Variants in HYDIN observed in about 807,000 individuals in gnomAD.
HYDIN encodes HYDIN axonemal central pair apparatus protein, also known as axonemal central pair apparatus protein HYDIN.
Under a neutral mutation model 403.9 loss-of-function variants are expected in HYDIN, and 132 were observed. That is an observed-to-expected ratio of 0.33 (90% CI 0.28 to 0.38). The LOEUF is 0.38. Among genes scored for constraint, HYDIN ranks in the 10% least tolerant of loss-of-function variants. The probability of loss-of-function intolerance (pLI) is 1.00; values close to 1 mark genes in which losing one functional copy is unlikely to be tolerated. For missense variants in HYDIN, 2,827 were observed against 5,009.5 expected (o/e 0.56, Z 13.15); for synonymous variants, 1,202 against 1,891.7 (o/e 0.64, Z 9.46).
chr16:71,004,317 A>T (rs1174835842), intron 23 of HYDIN, among the ~76,000 whole-genome samples: 2 of 146,470 alleles, frequency 1.4e-5, no homozygotes, highest in African/African-American at 5.1e-5. Context: ...TCCATTTCAA[A>T]AAAAAAAAAA....
chr16:70,919,023 AG>A (rs1392540238), intron 46 of HYDIN, among the ~76,000 whole-genome samples: 1 of 141,006 alleles, frequency 7.1e-6, no homozygotes, highest in African/African-American at 2.7e-5. Context: ...AGCCCACCTG[AG>A]GGCCCAGCCT....
At chr16:71,006,607 G>A (rs1205879060) in intron 23 of HYDIN, among the ~76,000 whole-genome samples, 1 of 151,904 alleles carries the variant, frequency 6.6e-6, no homozygotes, top group Non-Finnish European at 1.5e-5. Flanking sequence ...TCCCCTGTAG[G>A]GCACAGTCTC....
intron 7 of HYDIN, among the ~76,000 whole-genome samples, chr16:71,139,180 C>T (rs7206444): frequency 6.6e-6 from 1 of 151,234 alleles, no homozygotes; most frequent in African/African-American, 2.4e-5. Context: ...GAGTTGAATA[C>T]CATGCTGGAA....
chr16:70,878,909 T>C (rs1567752329), intron 62 of HYDIN, among the ~76,000 whole-genome samples: 1 of 142,810 alleles, frequency 7.0e-6, no homozygotes, highest in Non-Finnish European at 1.5e-5. Flanking sequence ...TGAATCAAAA[T>C]ACATTTGAAT....
chr16:71,105,293 G>T (rs1172144909), intron 10 of HYDIN, among the ~76,000 whole-genome samples: 1 of 151,740 alleles, frequency 6.6e-6, no homozygotes. Flanking sequence ...AAGAGACATG[G>T]TAATTCCACA....
chr16:70,978,854 T>C, intron 30 of HYDIN, 60 bp downstream of exon 30: 3 of 1,384,498 alleles, frequency 2.2e-6, no homozygotes, highest in African/African-American at 1.4e-5. Context: ...ACAACTCCTA[T>C]GCACTCTGCA....
intron 57 of HYDIN, among the ~76,000 whole-genome samples, chr16:70,890,157 G>T (rs1381863970): frequency 6.6e-6 from 1 of 152,184 alleles, no homozygotes; most frequent in Non-Finnish European, 1.5e-5. Flanking sequence ...ATAGGTCTTG[G>T]TAGTTGTTCA....
At chr16:70,916,423 T>C (rs1774404) in intron 47 of HYDIN, among the ~76,000 whole-genome samples, 146 of 146,280 alleles carry the variant, frequency 1.0e-3, no homozygotes, top group Non-Finnish European at 1.6e-3. Context: ...GTTTCCCCAG[T>C]TGGGGTGTGT....
chr16:71,113,941 T>G (rs2083923632), intron 10 of HYDIN: 2 of 151,526 alleles, frequency 1.3e-5, no homozygotes, highest in South Asian at 2.1e-4. Context: ...CATTTTATTT[T>G]GTTCTTCAAT....
chr16:70,900,695 T>C (rs2076344408), intron 53 of HYDIN, among the ~76,000 whole-genome samples: 1 of 150,752 alleles, frequency 6.6e-6, no homozygotes, highest in African/African-American at 2.5e-5. Context: ...TACCTAGGTA[T>C]AGCAACACCA....
At chr16:70,922,530 C>T (rs984040609) in intron 45 of HYDIN, among the ~76,000 whole-genome samples, 2 of 151,992 alleles carry the variant, frequency 1.3e-5, no homozygotes, top group African/African-American at 4.8e-5. Context: ...TCCACAGATG[C>T]AAAAGATCAA....
At chr16:71,217,364 T>C (rs1424911187) in intron 1 of HYDIN, among the ~76,000 whole-genome samples, 1 of 152,196 alleles carries the variant, frequency 6.6e-6, no homozygotes, top group Non-Finnish European at 1.5e-5. Flanking sequence ...CAAAATCATC[T>C]GAATTAAGTA....
chr16:71,230,269 A>G (rs1263390834), intron 1 of HYDIN, among the ~76,000 whole-genome samples: 2 of 152,218 alleles, frequency 1.3e-5, no homozygotes, highest in Non-Finnish European at 2.9e-5. Flanking sequence ...AAGACGGGAA[A>G]TGATTCGTCC....
At chr16:71,033,398 G>A (rs1184524288) in intron 18 of HYDIN, among the ~76,000 whole-genome samples, 22 of 151,844 alleles carry the variant, frequency 1.4e-4, no homozygotes, top group Admixed American at 1.4e-3. Flanking sequence ...TTGTTTAATT[G>A]CCTATATAAA....
At chr16:71,115,856 G>C in intron 9 of HYDIN, 61 bp from the exon 10 acceptor site, 2 of 814,506 alleles carry the variant, frequency 2.5e-6, no homozygotes, top group Admixed American at 2.4e-5. Flanking sequence ...CTGCTTGTAA[G>C]TGTTATTACA....
chr16:71,005,127 CTG>C (rs1297520223), intron 23 of HYDIN, among the ~76,000 whole-genome samples: 1 of 152,192 alleles, frequency 6.6e-6, no homozygotes, highest in Non-Finnish European at 1.5e-5. Context: ...TTTTTCATAA[CTG>C]TAGCATGGGA....
chr16:70,991,090 A>G (rs2144043633), intron 25 of HYDIN, among the ~76,000 whole-genome samples: 1 of 152,248 alleles, frequency 6.6e-6, no homozygotes, highest in Non-Finnish European at 1.5e-5. Context: ...TTAAGAAAAT[A>G]TTTTTCCTTT....
intron 1 of HYDIN, among the ~76,000 whole-genome samples, chr16:71,211,261 T>TA (rs2088574056): frequency 6.6e-6 from 1 of 152,130 alleles, no homozygotes; most frequent in Non-Finnish European, 1.5e-5. Context: ...CCACATCACT[T>TA]AAACTGTCCA....
At position 70,804,385 on chromosome 16, in the gene HYDIN, G is replaced by A. The variant is rs2035018031; in HGVS notation, c.*3195C>T. On this transcript the variant is annotated 3_prime_UTR_variant, in exon 86 of 86. Transcript: ENST00000393567. Reference sequence around the variant, plus strand: ...ATGATCAAAGGTCACTGAGTGATGAGATGGGAGGAGACCCTCAAATCCATC... The same window carrying A: ...ATGATCAAAGGTCACTGAGTGATGAAATGGGAGGAGACCCTCAAATCCATC... Among the ~76,000 whole-genome samples the A allele has an allele frequency of 6.6e-6, 1 of 152,236 alleles. No individual in the cohort carries two copies. The highest frequency in any genetic ancestry group is 1.5e-5 in the Non-Finnish European group (1 of 68,040).
Sources: allele counts gnomAD v4.1 joint callset (sites outside exome capture counted in the v4.1 genomes callset), GRCh38; gene constraint gnomAD v4.1.1; transcripts MANE v1.5; gene names NCBI Gene and HGNC (gene_info 2026-07-23, HGNC 2026-07-21).